Variants in PSG6 observed in about 807,000 individuals in gnomAD.
PSG6 encodes pregnancy specific beta-1-glycoprotein 6.
PSG6 carries 51 observed loss-of-function variants against 43.3 expected under a neutral mutation model. The ratio of observed to expected loss-of-function variants is 1.18; its 90% CI spans 0.94 to 1.49. The LOEUF (loss-of-function observed/expected upper bound fraction) is 1.49. Among genes scored for constraint, PSG6 ranks in the 40% most tolerant of loss-of-function variants. The pLI, the probability that PSG6 is intolerant of heterozygous loss-of-function variation, is 0.00. For synonymous variants in PSG6, 292 were observed against 197.6 expected, an observed-to-expected ratio of 1.48 and a Z score of -4.01; for missense variants, 770 against 522.2, an observed-to-expected ratio of 1.47 and a Z score of -4.62.
chr19:42,907,679 G>A lies in PSG6; in HGVS notation c.882C>T (p.Leu294=). The change falls in exon 4 of 6, where the codon CTC becomes CTT. Residue 294 remains leucine (L), a synonymous_variant. Transcript: ENST00000187910. ...CATTTCTCGTGACACTGGGTAGAATGAGTATCCTGTTTTCAATGGGTCGCT... is the reference window on the plus strand; with the variant it reads ...CATTTCTCGTGACACTGGGTAGAATAAGTATCCTGTTTTCAATGGGTCGCT... ...RVKRPIENRI[L]ILPSVTRNET... is the part of the protein sequence containing the mutation. 1 of 1,611,038 alleles carries A rather than the reference G, an allele frequency of 6.2e-7. No individual in the cohort carries two copies. The highest frequency in any genetic ancestry group is 8.5e-7 in the Non-Finnish European group (1 of 1,179,102).
At position 42,906,651 on chromosome 19, in the gene PSG6, G is replaced by C. The variant is rs10420037; in HGVS notation, c.1240+271C>G. On this transcript the variant is annotated intron_variant, in intron 5 of 5. Coordinates refer to ENST00000187910, the MANE Select transcript of PSG6 (RefSeq NM_001031850.4). ...TGAGGACTCTCCTTCTTGTCCCTCT[G>C]TGAAGCCTCTTCTACCACATAGGGC... The C allele has an allele frequency of 6.8e-3, 9,490 of 1,398,752 alleles. 569 individuals are homozygous for C. In the African/African-American group the frequency reaches 0.11, roughly 16 times the overall value. The allele number at this position is 1,398,752 out of a possible 1,614,324, so 86.6% of individuals were successfully genotyped here.
chr19:42,914,620 G>A (rs1199502192), intron 2 of PSG6, among the ~76,000 whole-genome samples: 10 of 151,274 alleles, frequency 6.6e-5, no homozygotes, highest in Non-Finnish European at 1.3e-4. Context: ...GGTAGTGGGG[G>A]GATGAAACAT....
Position 42,906,960 on chromosome 19 carries a change from C to A in PSG6, c.1202G>T (p.Gly401Val), listed in dbSNP as rs1972123485. 6.2e-7 allele frequency: 1 copy of A among 1,612,372 alleles called. No homozygotes were observed. The highest frequency in any genetic ancestry group is 1.3e-5 in the African/African-American group (1 of 74,818). ...TATCATGGATTTGGAGATTTCCTTG[C>A]CAGTGGCTGAGTTACGAACAGAGCA... ...YACSVRNSAT[G>V]KEISKSMIVK... is the part of the protein sequence containing the mutation. The change falls in exon 5 of 6, where the codon GGC becomes GTC. Residue 401 changes from glycine (G) to valine (V), a missense_variant. Physicochemically the swap from Gly to Val is moderately radical, Grantham distance 109 (BLOSUM62 -3). Transcript: ENST00000187910.
intron 5 of PSG6, 147 bp from the exon 6 acceptor site, chr19:42,902,593 G>A: frequency 8.6e-7 from 1 of 1,156,656 alleles, no homozygotes. Context: ...TGACTGGTTG[G>A]AGGATTCCTC....
intron 5 of PSG6, among the ~76,000 whole-genome samples, chr19:42,905,138 T>C (rs1359523179): frequency 4.0e-4 from 60 of 151,380 alleles, no homozygotes; most frequent in African/African-American, 1.4e-3. Flanking sequence ...CCACAATAGA[T>C]CAAAGATCTA....
chr19:42,903,787 G>T, intron 5 of PSG6: 1 of 1,457,122 alleles, frequency 6.9e-7, no homozygotes, highest in Non-Finnish European at 9.1e-7. Context: ...TAGCATCTTG[G>T]GAGGCTGAAG....
chr19:42,905,805 A>T (rs1972102175), intron 5 of PSG6, among the ~76,000 whole-genome samples: 1 of 151,732 alleles, frequency 6.6e-6, no homozygotes, highest in Admixed American at 6.6e-5. Flanking sequence ...TGCCAACTGA[A>T]ATAAGCCAGA....
Position 42,906,211 on chromosome 19 carries a change from A to C in PSG6, c.1240+711T>G, listed in dbSNP as rs779050714. On this transcript the variant is annotated intron_variant, in intron 5 of 5. Coordinates refer to ENST00000187910, the MANE Select transcript of PSG6 (RefSeq NM_001031850.4). ...TGCTGTGTCCCACGTGCTGTGCCCAAAGCCTCATACAGCTGGTGACTTCAG... is the reference window on the plus strand; with the variant it reads ...TGCTGTGTCCCACGTGCTGTGCCCACAGCCTCATACAGCTGGTGACTTCAG... Among the ~76,000 whole-genome samples, 18 of 151,538 alleles carry C rather than the reference A, an allele frequency of 1.2e-4. 3 individuals are homozygous for C. Among genetic ancestry groups the C allele is most frequent in the South Asian group, 4.2e-4 (2 of 4,748 alleles).
At chr19:42,915,965 G>T (rs10421952) in intron 2 of PSG6, 160 bp downstream of exon 2, 288,374 of 1,150,402 alleles carry the variant, frequency 0.25, 43,377 homozygotes, top group African/African-American at 0.51. Context: ...CTGTTGAAAT[G>T]TGTCTCCTCT....
chr19:42,917,140 T>C (rs1414605737), intron 1 of PSG6, among the ~76,000 whole-genome samples: 1 of 151,280 alleles, frequency 6.6e-6, no homozygotes, highest in African/African-American at 2.4e-5. Context: ...GGTTACATTT[T>C]TATTTGAGGT....
chr19:42,903,658 A>G, intron 5 of PSG6: 1 of 1,530,424 alleles, frequency 6.5e-7, no homozygotes, highest in Non-Finnish European at 8.8e-7. Flanking sequence ...GGGAGGTCAC[A>G]GCAGAAGGAT....
chr19:42,906,114 C>A (rs1321129035), intron 5 of PSG6, among the ~76,000 whole-genome samples: 2 of 151,600 alleles, frequency 1.3e-5, no homozygotes, highest in African/African-American at 4.8e-5. Context: ...GGCACTGCCC[C>A]TTTCCTGCCA....
chr19:42,910,915 G>A, intron 2 of PSG6, 57 bp from the exon 3 acceptor site: 3 of 1,544,044 alleles, frequency 1.9e-6, no homozygotes, highest in Admixed American at 2.0e-5. Context: ...TCCTCCAAAG[G>A]CATTTTTCAA....
At chr19:42,906,597 G>A in intron 5 of PSG6, 1 of 1,347,182 alleles carries the variant, frequency 7.4e-7, no homozygotes. Flanking sequence ...AAGGGGATGT[G>A]TTCGTGACAG....
chr19:42,902,565 C>G, intron 5 of PSG6, 119 bp from the exon 6 acceptor site: 2 of 1,377,254 alleles, frequency 1.5e-6, no homozygotes, highest in Non-Finnish European at 2.0e-6. Context: ...CTCCGAGGCT[C>G]TCTTTAACTC....
At chr19:42,914,283 G>T (rs1347862359) in intron 2 of PSG6, among the ~76,000 whole-genome samples, 2 of 151,392 alleles carry the variant, frequency 1.3e-5, no homozygotes, top group African/African-American at 4.9e-5. Flanking sequence ...TTCCTGGGAG[G>T]TGGGCCAGGC....
At position 42,916,404 on chromosome 19, in the gene PSG6, C is replaced by G. The variant is rs763258567; in HGVS notation, c.148G>C (p.Asp50His). 5.0e-6 allele frequency: 8 copies of G among 1,612,082 alleles called. No individual in the cohort carries two copies. Among genetic ancestry groups the G allele is most frequent in the Non-Finnish European group, 6.8e-6 (8 of 1,179,100 alleles). Residue 50 changes from aspartate (D) to histidine (H), a missense_variant, in exon 2 of 6, where the codon GAT becomes CAT. Physicochemically the swap from Asp to His is moderately conservative, Grantham distance 81. Transcript: ENST00000187910. ...AAATTGTGGACAAGTAGAAGAACAT[C>G]CTTCCCCTCGGAAACTTTGGGTGGC... ...AKPPKVSEGK[D>H]VLLLVHNLPQ... is the part of the protein sequence containing the mutation.
At chr19:42,904,739 C>A (rs369857783) in intron 5 of PSG6, among the ~76,000 whole-genome samples, 19 of 151,724 alleles carry the variant, frequency 1.3e-4, no homozygotes, top group Admixed American at 6.6e-4. Context: ...AGATTCAATA[C>A]AATTCCTATC....
In PSG6 at chr19:42,903,671, C is replaced by A. The variant is rs1311605904; in HGVS notation, c.1241-1225G>T. On this transcript the variant is annotated intron_variant, in intron 5 of 5. Transcript: ENST00000187910. ...TTGGGAGGTCACAGCAGAAGGATTT[C>A]TTGAAACCAGGTGTTTGGACCAGCA... 28 of 1,529,170 alleles carry A rather than the reference C, an allele frequency of 1.8e-5. 1 individual carries two copies. Among genetic ancestry groups the A allele is most frequent in the Non-Finnish European group, 2.4e-5 (27 of 1,136,754 alleles). 94.7% of individuals were successfully genotyped at this position (1,529,170 alleles called of 1,614,324 possible).
Sources: allele counts gnomAD v4.1 joint callset (sites outside exome capture counted in the v4.1 genomes callset), GRCh38; gene constraint gnomAD v4.1.1; transcripts MANE v1.5; gene names NCBI Gene and HGNC (gene_info 2026-07-23, HGNC 2026-07-21).